PTK7: variants seen among roughly 807,000 people sequenced by gnomAD.
PTK7 encodes the protein protein tyrosine kinase 7 (inactive).
A neutral mutation model predicts 116.6 loss-of-function variants in PTK7; 39 were observed. That is an observed-to-expected ratio of 0.33 (90% confidence interval 0.26 to 0.44). The LOEUF (loss-of-function observed/expected upper bound fraction) is 0.44, where lower values mean the gene tolerates loss of function less well. Ranked by LOEUF, PTK7 falls within the 20% of genes least tolerant of loss-of-function variation. The probability of loss-of-function intolerance (pLI) is 1.00; values close to 1 mark genes in which losing one functional copy is unlikely to be tolerated. For synonymous variants in PTK7, 546 were observed against 563.6 expected, an observed-to-expected ratio of 0.97 and a Z score of 0.44; for missense variants, 1,169 against 1,425.6, an observed-to-expected ratio of 0.82 and a Z score of 2.90.
At chr6:43,083,960 A>C (rs946705313) in intron 1 of PTK7, among the ~76,000 whole-genome samples, 1 of 152,178 alleles carries the variant, frequency 6.6e-6, no homozygotes, top group East Asian at 1.9e-4. Context: ...CAGGTCACCA[A>C]AGTATTGATG....
intron 1 of PTK7, among the ~76,000 whole-genome samples, chr6:43,122,897 G>A (rs369463422): frequency 5.3e-5 from 8 of 151,978 alleles, no homozygotes; most frequent in Admixed American, 4.6e-4. Flanking sequence ...ATGAGCCACC[G>A]CACCCGGCCA....
intron 1 of PTK7, among the ~76,000 whole-genome samples, chr6:43,081,073 C>T (rs1766350792): frequency 6.6e-6 from 1 of 152,212 alleles, no homozygotes; most frequent in African/African-American, 2.4e-5. Flanking sequence ...TGGGACCCTC[C>T]ATTCCAGTCC....
At chr6:43,157,791 A>G (rs1050458226) in intron 17 of PTK7, among the ~76,000 whole-genome samples, 1 of 151,554 alleles carries the variant, frequency 6.6e-6, no homozygotes, top group Non-Finnish European at 1.5e-5. Flanking sequence ...CAATGGCGCA[A>G]TCTCGGCTCA....
rs767511515 is a variant in PTK7, at chr6:43,076,929, G to A, written c.79+362G>A. 2.8e-5 allele frequency: 42 copies of A among 1,515,668 alleles called. No individual in the cohort carries two copies. The highest frequency in any genetic ancestry group is 4.0e-5 in the Admixed American group (2 of 49,648). The allele number at this position is 1,515,668 out of a possible 1,614,324, so 93.9% of individuals were successfully genotyped here. A position where few individuals can be genotyped will look rare whatever the true frequency, so the allele number is the denominator to read the frequency against. On this transcript the variant is annotated intron_variant, in intron 1 of 19. Coordinates refer to ENST00000230419, the MANE Select transcript of PTK7 (RefSeq NM_002821.5). This position sits in a 1 kb window ranked among gnomAD's most constrained non-coding sequence, Gnocchi z 5.7. ...GGAGAAAAGACCATCCGCACCCACC[G>A]TGGGGAGCGCGATGGAGAAAAAGGA...
Position 43,159,788 on chromosome 6 carries a change from T to G in PTK7, c.2874T>G (p.Ser958Arg). ...ALGLSKDVYN[S>R]EYYHFRQAWV... ...CCCCTGGGTTGCTTCTCTCCTGCAG[T>G]GAGTACTACCACTTCCGCCAGGCCT... The change falls in exon 19 of 20, where the codon AGT becomes AGG. Residue 958 changes from serine (S) to arginine (R), a missense_variant and splice_region_variant. This residue lies in a region of PTK7 where 678 missense variants were observed against 853.8 expected (regional missense o/e 0.79). Transcript: ENST00000230419. 6.2e-7 allele frequency: 1 copy of G among 1,614,216 alleles called. No individual in the cohort carries two copies. The highest frequency in any genetic ancestry group is 8.5e-7 in the Non-Finnish European group (1 of 1,180,026).
intron 1 of PTK7, among the ~76,000 whole-genome samples, chr6:43,124,575 C>T (rs1310936910): frequency 3.3e-5 from 5 of 152,114 alleles, no homozygotes; most frequent in Non-Finnish European, 5.9e-5. Flanking sequence ...ACCTAGGAGG[C>T]CGAGGTGGGA....
intron 7 of PTK7, 146 bp downstream of exon 7, chr6:43,132,833 G>A (rs769031165): frequency 1.3e-5 from 15 of 1,147,746 alleles, no homozygotes; most frequent in African/African-American, 7.7e-5. Context: ...ACTGGGAGTC[G>A]GTGTAGACAG....
intron 1 of PTK7, among the ~76,000 whole-genome samples, chr6:43,093,351 G>A (rs1445541121): frequency 1.3e-5 from 2 of 151,902 alleles, no homozygotes; most frequent in Non-Finnish European, 2.9e-5. Flanking sequence ...GACCACGCCC[G>A]GCTAATTCAA....
rs934777809 is a variant in PTK7 at position 43,110,057 on chromosome 6, C to T, written c.80-18920C>T. ...TATCGCCCAGGCTAGAGTGCAGTGG[C>T]GTGATTTTGGCTCACAGCAACCTCC... is the stretch of plus-strand genomic sequence containing the variant. On this transcript the variant is annotated intron_variant, in intron 1 of 19. Transcript: ENST00000230419. Among the ~76,000 whole-genome samples, 8 of 137,548 alleles carry T rather than the reference C, an allele frequency of 5.8e-5. No homozygotes were observed. In the East Asian group the frequency reaches 1.1e-3, roughly 20 times the overall value. 90.2% of individuals were successfully genotyped at this position (137,548 alleles called of 152,430 possible).
chr6:43,120,465 G>A (rs1768891876), intron 1 of PTK7, among the ~76,000 whole-genome samples: 1 of 152,208 alleles, frequency 6.6e-6, no homozygotes, highest in Admixed American at 6.5e-5. Flanking sequence ...GCACGGGGCT[G>A]CGCCGAGGAA....
chr6:43,116,776 A>T (rs1582126689), intron 1 of PTK7, among the ~76,000 whole-genome samples: 1 of 152,168 alleles, frequency 6.6e-6, no homozygotes, highest in Non-Finnish European at 1.5e-5. Context: ...GTGCTGGGGC[A>T]TGCAGAGGAG....
In PTK7 at chr6:43,076,366, G is replaced by T; in HGVS notation, c.-123G>T. 1 of 640,254 alleles carries T rather than the reference G, an allele frequency of 1.6e-6. No individual in the cohort carries two copies. The highest frequency in any genetic ancestry group is 2.2e-6 in the Non-Finnish European group (1 of 459,840). The allele number at this position is 640,254 out of a possible 1,614,324, so 39.7% of individuals were successfully genotyped here. A position where few individuals can be genotyped will look rare whatever the true frequency, so the allele number is the denominator to read the frequency against. On this transcript the variant is annotated 5_prime_UTR_variant, in exon 1 of 20. Coordinates refer to ENST00000230419, the MANE Select transcript of PTK7 (RefSeq NM_002821.5). The surrounding 1 kb of genome is among the most constrained non-coding windows in gnomAD (Gnocchi z 5.7). ...ACGCCTCGGGACGCCTCGGGGTCGG[G>T]CTCCGGCTGCGGCTGCTGCTGCGGC... is the stretch of plus-strand genomic sequence containing the variant.
At position 43,141,917 on chromosome 6, in the gene PTK7, CTCTTT is replaced by C. The variant is rs1213414968; in HGVS notation, c.1769-9_1769-5del. On this transcript the variant is annotated splice_polypyrimidine_tract_variant and intron_variant, in intron 11 of 19. Transcript: ENST00000230419. The surrounding 1 kb of genome is among the most constrained non-coding windows in gnomAD (Gnocchi z 4.9). ...TTACCCCTCCCTGCGCCTCGCTGGT[CTCTTT>C]TCTTCCAGTTTTTATCACCTTCAAA... 5 of 1,599,010 alleles carry C rather than the reference CTCTTT, an allele frequency of 3.1e-6. No homozygotes were observed. The highest frequency in any genetic ancestry group is 4.3e-6 in the Non-Finnish European group (5 of 1,170,512).
At chr6:43,086,263 G>A (rs989577028) in intron 1 of PTK7, among the ~76,000 whole-genome samples, 1 of 152,202 alleles carries the variant, frequency 6.6e-6, no homozygotes, top group African/African-American at 2.4e-5. Context: ...TCCCCAGTCA[G>A]CGACTCTGTT....
chr6:43,081,153 C>T (rs1337898759), intron 1 of PTK7, among the ~76,000 whole-genome samples: 1 of 152,170 alleles, frequency 6.6e-6, no homozygotes, highest in Non-Finnish European at 1.5e-5. Flanking sequence ...CGGGCCAGTC[C>T]CCGGTTGTAC....
intron 7 of PTK7, chr6:43,133,772 A>G (rs1430717311): frequency 1.3e-5 from 2 of 152,354 alleles, no homozygotes; most frequent in South Asian, 4.1e-4. Context: ...CCTTTATGTT[A>G]CTATTATCTT....
chr6:43,103,792 G>C (rs535901996), intron 1 of PTK7, among the ~76,000 whole-genome samples: 42 of 152,314 alleles, frequency 2.8e-4, no homozygotes, highest in African/African-American at 7.0e-4. Context: ...AACTATTCCT[G>C]CTCCACCTTC....
intron 15 of PTK7, 148 bp downstream of exon 15, chr6:43,144,754 G>A (rs1770628856): frequency 1.0e-6 from 1 of 969,720 alleles, no homozygotes; most frequent in Non-Finnish European, 1.5e-6. Flanking sequence ...GCCCAGTGTG[G>A]CCCCAGAGCC....
chr6:43,122,381 C>T (rs572914094), intron 1 of PTK7, among the ~76,000 whole-genome samples: 6 of 152,020 alleles, frequency 3.9e-5, no homozygotes, highest in South Asian at 2.1e-4. Flanking sequence ...CAGGGAGCCC[C>T]GGGGCTGCTC....
Sources: gnomAD v4.1 joint callset for allele counts (sites outside exome capture counted in the v4.1 genomes callset) on GRCh38, gnomAD v4.1.1 for gene constraint, gnomAD v4.1.1 regional missense constraint, Gnocchi (gnomAD v3.1) non-coding constraint, MANE v1.5 for transcripts, NCBI Gene and HGNC (gene_info 2026-07-23, HGNC 2026-07-21) for gene names.